The following DYM variants were observed in gnomAD, a reference collection of about 807,000 sequenced individuals.
DYM encodes the protein dymeclin.
A neutral mutation model predicts 93.1 loss-of-function variants in DYM; 78 were observed. The observed-to-expected ratio is 0.84, with a 90% CI of 0.70 to 1.01. The LOEUF (loss-of-function observed/expected upper bound fraction) is 1.01. DYM is among the 50% of genes least tolerant of loss of function. The pLI is 0.00. For synonymous variants in DYM, 321 were observed against 319.7 expected (o/e 1.00, Z -0.04); for missense variants, 789 against 845.0 (o/e 0.93, Z 0.82).
At chr18:49,080,247 C>T (rs1301140182) in intron 17 of DYM, among the ~76,000 whole-genome samples, 7 of 118,916 alleles carry the variant, frequency 5.9e-5, no homozygotes, top group East Asian at 5.5e-4. Flanking sequence ...GGCGGCTGGC[C>T]GGGCAGAGGG....
At chr18:49,274,506 C>G (rs755625100) in intron 10 of DYM, among the ~76,000 whole-genome samples, 12 of 152,142 alleles carry the variant, frequency 7.9e-5, no homozygotes, top group Non-Finnish European at 1.5e-4. Context: ...GGGTATATAT[C>G]TAGCCTTGGA....
chr18:49,430,182 T>TG, intron 2 of DYM, 73 bp downstream of exon 2: 1 of 1,428,900 alleles, frequency 7.0e-7, no homozygotes, highest in Non-Finnish European at 9.8e-7. Context: ...TTCTAAATTT[T>TG]TTTTTAATCA....
At chr18:49,067,327 T>TGTGA (rs1491298763) in intron 17 of DYM, among the ~76,000 whole-genome samples, 280 of 6,374 alleles carry the variant, frequency 0.044, no homozygotes, top group Middle Eastern at 0.25. Context: ...AGTGGGGTGA[T>TGTGA]GTGTTATGGA....
intron 5 of DYM, among the ~76,000 whole-genome samples, chr18:49,371,329 A>G (rs999818196): frequency 6.6e-6 from 1 of 152,174 alleles, no homozygotes; most frequent in African/African-American, 2.4e-5. Flanking sequence ...GTGAGACCCC[A>G]TCTCTACCAA....
chr18:49,166,221 C>A (rs916405950), intron 14 of DYM, among the ~76,000 whole-genome samples: 1 of 152,164 alleles, frequency 6.6e-6, no homozygotes, highest in Non-Finnish European at 1.5e-5. Flanking sequence ...CAAATGCATA[C>A]TGTATACATA....
chr18:49,450,488 T>C (rs1446648542), intron 1 of DYM, among the ~76,000 whole-genome samples: 1 of 152,244 alleles, frequency 6.6e-6, no homozygotes, highest in Non-Finnish European at 1.5e-5. Flanking sequence ...TGGAATTCTA[T>C]TTCATAACAT....
chr18:49,163,677 C>CAGTA lies in DYM; in HGVS notation c.1728+7_1728+8insTACT, dbSNP rs1224781741. On this transcript the variant is annotated splice_region_variant and intron_variant, in intron 15 of 17. Transcript: ENST00000675505. ...AATTTTTTATTGATGAATAAGGTAA[C>CAGTA]TACTTACATAATCTGGTAGAGGAAC... 9 of 1,591,998 alleles carry CAGTA rather than the reference C, an allele frequency of 5.7e-6. No individual in the cohort carries two copies. Among genetic ancestry groups the CAGTA allele is most frequent in the Admixed American group, 3.4e-5 (2 of 59,604 alleles).
chr18:49,363,160 C>T lies in DYM; in HGVS notation c.494+1G>A. The T allele has an allele frequency of 6.2e-7, 1 of 1,612,522 alleles. No homozygotes were observed. The highest frequency in any genetic ancestry group is 8.5e-7 in the Non-Finnish European group (1 of 1,178,626). On this transcript the variant is annotated splice_donor_variant, in intron 6 of 17. Transcript: ENST00000675505. LOFTEE classifies it high-confidence loss of function. ...CAAATCCTGGCCTAGCCAGAACTTA[C>T]AAGAGTGGAATATCAGTGATCAACT...
At chr18:49,092,215 G>T (rs955926506) in intron 17 of DYM, among the ~76,000 whole-genome samples, 1 of 152,214 alleles carries the variant, frequency 6.6e-6, no homozygotes, top group Non-Finnish European at 1.5e-5. Context: ...ACAGCAGAGA[G>T]AAATAGGGGA....
chr18:49,385,295 G>GTC (rs1274702573), intron 3 of DYM, among the ~76,000 whole-genome samples: 23 of 152,172 alleles, frequency 1.5e-4, no homozygotes, highest in Non-Finnish European at 3.2e-4. Flanking sequence ...CAGGGAGTCT[G>GTC]ACTATCATAA....
intron 2 of DYM, among the ~76,000 whole-genome samples, chr18:49,423,541 G>A (rs1324274096): frequency 6.6e-6 from 1 of 152,142 alleles, no homozygotes; most frequent in Non-Finnish European, 1.5e-5. Flanking sequence ...AAATAACTAA[G>A]ATCGGAGCAG....
At chr18:49,173,216 C>T (rs1215016193) in intron 14 of DYM, among the ~76,000 whole-genome samples, 1 of 152,022 alleles carries the variant, frequency 6.6e-6, no homozygotes, top group African/African-American at 2.4e-5. Flanking sequence ...TTGATTACAC[C>T]AGCTTTATAG....
At chr18:49,439,995 G>A (rs930526912) in intron 1 of DYM, among the ~76,000 whole-genome samples, 16 of 148,142 alleles carry the variant, frequency 1.1e-4, no homozygotes, top group Non-Finnish European at 1.5e-4. Context: ...GGGCAACAGA[G>A]GGAGACTCTG....
chr18:49,255,564 C>T (rs1050112479), intron 13 of DYM, among the ~76,000 whole-genome samples: 22 of 149,832 alleles, frequency 1.5e-4, no homozygotes, highest in African/African-American at 5.4e-4. Context: ...TTCCAGTTAC[C>T]CAGGAGGCTG....
At chr18:49,202,932 C>T (rs1473996399) in intron 14 of DYM, among the ~76,000 whole-genome samples, 24 of 136,152 alleles carry the variant, frequency 1.8e-4, no homozygotes, top group Admixed American at 7.3e-4. Flanking sequence ...CCTGGCCAGC[C>T]GCCCCATCCG....
At chr18:49,178,623 A>G (rs1319153175) in intron 14 of DYM, among the ~76,000 whole-genome samples, 1 of 152,204 alleles carries the variant, frequency 6.6e-6, no homozygotes, top group East Asian at 1.9e-4. Context: ...TTCAATATCA[A>G]CAGAATATTT....
intron 13 of DYM, among the ~76,000 whole-genome samples, chr18:49,234,094 A>G (rs111834409): frequency 6.6e-5 from 10 of 151,936 alleles, no homozygotes; most frequent in African/African-American, 2.2e-4. Flanking sequence ...GCACCACTGC[A>G]CTCCAGCCTG....
rs776298453 is a variant in DYM, at chr18:49,256,995, A to G, written c.1460+15T>C. ...CCAGAGGCAAATCAGTATTTCTTTT[A>G]AAGTTCATATTTACCTGATGATCCT... On this transcript the variant is annotated intron_variant, in intron 13 of 17. Coordinates refer to ENST00000675505, the MANE Select transcript of DYM (RefSeq NM_001353214.3). The G allele has an allele frequency of 1.7e-5, 27 of 1,601,024 alleles. No individual in the cohort carries two copies. In the Admixed American group the frequency reaches 3.8e-4, roughly 23 times the overall value.
At chr18:49,443,232 G>A (rs1467636264) in intron 1 of DYM, among the ~76,000 whole-genome samples, 1 of 152,164 alleles carries the variant, frequency 6.6e-6, no homozygotes, top group Non-Finnish European at 1.5e-5. Flanking sequence ...AAATTTCAGT[G>A]TCAATAAAGT....
Sources: allele counts gnomAD v4.1 joint callset (sites outside exome capture counted in the v4.1 genomes callset), GRCh38; gene constraint gnomAD v4.1.1; transcripts MANE v1.5; gene names NCBI Gene and HGNC (gene_info 2026-07-23, HGNC 2026-07-21).